The following MYO3A variants were observed in gnomAD, a reference collection of about 807,000 sequenced individuals.
MYO3A encodes myosin-IIIa.
A neutral mutation model predicts 192.7 loss-of-function variants in MYO3A; 180 were observed. That is an observed-to-expected ratio of 0.93 (90% confidence interval 0.83 to 1.06). The LOEUF is 1.06. MYO3A is among the 50% of genes least tolerant of loss of function. The pLI is 0.00. For synonymous variants in MYO3A, 628 were observed against 645.3 expected, an observed-to-expected ratio of 0.97 and a Z score of 0.41; for missense variants, 1,896 against 1,905.0, an observed-to-expected ratio of 1.00 and a Z score of 0.09.
chr10:26,116,972 C>A (rs535686713), intron 17 of MYO3A, among the ~76,000 whole-genome samples: 22 of 152,338 alleles, frequency 1.4e-4, no homozygotes, highest in African/African-American at 5.3e-4. Context: ...AGCCATAGAT[C>A]TGGGTCTGTT....
intron 10 of MYO3A, among the ~76,000 whole-genome samples, chr10:26,032,209 A>T (rs182026236): frequency 5.2e-4 from 79 of 152,342 alleles, no homozygotes; most frequent in African/African-American, 1.9e-3. Flanking sequence ...TGTTGCAACT[A>T]GTCCACTTGT....
intron 2 of MYO3A, among the ~76,000 whole-genome samples, chr10:25,941,665 T>C (rs1836494706): frequency 6.6e-6 from 1 of 152,240 alleles, no homozygotes; most frequent in South Asian, 2.1e-4. Flanking sequence ...TTGAGTGGTA[T>C]TAAGTACAGT....
chr10:26,197,033 C>A (rs1843442305), intron 32 of MYO3A, among the ~76,000 whole-genome samples: 1 of 152,158 alleles, frequency 6.6e-6, no homozygotes, highest in African/African-American at 2.4e-5. Context: ...GTTCTTGATT[C>A]TTGTTACTGA....
chr10:26,047,543 G>T (rs1423136815), intron 10 of MYO3A, among the ~76,000 whole-genome samples: 1 of 152,182 alleles, frequency 6.6e-6, no homozygotes, highest in Non-Finnish European at 1.5e-5. Flanking sequence ...GGAGGCCGAG[G>T]CAGGTGGATC....
intron 4 of MYO3A, among the ~76,000 whole-genome samples, chr10:25,986,333 A>G (rs1181995108): frequency 1.3e-5 from 2 of 152,220 alleles, no homozygotes; most frequent in Admixed American, 6.5e-5. Context: ...TCTATTCAAC[A>G]TAGTACTCGA....
intron 4 of MYO3A, among the ~76,000 whole-genome samples, chr10:25,957,500 G>A (rs545062156): frequency 6.6e-6 from 1 of 152,188 alleles, no homozygotes; most frequent in South Asian, 2.1e-4. Context: ...ATACAGGCAT[G>A]TAGGTTGATT....
rs553711676 is a variant in MYO3A at position 26,012,686 on chromosome 10, A to G, written c.509-4134A>G. On this transcript the variant is annotated intron_variant, in intron 6 of 34. Coordinates refer to ENST00000642920, the MANE Select transcript of MYO3A (RefSeq NM_017433.5). ...CTGCCTGAAGCAATCTACACATTCA[A>G]TGCCATTCCCATCAAAATACCAATA... 2.6e-5 allele frequency among the ~76,000 whole-genome samples: 4 copies of G among 152,324 alleles called. No homozygotes were observed. The South Asian group carries it at 6.2e-4, about 24-fold the overall frequency.
At chr10:26,211,146 T>G (rs58368492) in intron 34 of MYO3A, among the ~76,000 whole-genome samples, 3,753 of 152,322 alleles carry the variant, frequency 0.025, 162 homozygotes, top group African/African-American at 0.082. Flanking sequence ...CACTGGTGGC[T>G]GGTACTTAGC....
intron 10 of MYO3A, among the ~76,000 whole-genome samples, chr10:26,043,495 A>G (rs979071678): frequency 6.6e-6 from 1 of 152,086 alleles, no homozygotes; most frequent in Non-Finnish European, 1.5e-5. Flanking sequence ...CTGGTGTTCT[A>G]TTGTAGTGTG....
At chr10:26,080,766 C>G (rs139555249) in intron 14 of MYO3A, among the ~76,000 whole-genome samples, 247 of 152,232 alleles carry the variant, frequency 1.6e-3, no homozygotes, top group African/African-American at 5.8e-3. Flanking sequence ...AGTACTCTCC[C>G]TCTTTTCCTA....
intron 2 of MYO3A, among the ~76,000 whole-genome samples, chr10:25,942,891 T>G (rs933522860): frequency 2.0e-5 from 3 of 152,038 alleles, no homozygotes; most frequent in Non-Finnish European, 2.9e-5. Context: ...GAAGATTGTC[T>G]TTTCACTCTG....
Position 26,176,731 on chromosome 10 carries a change from C to T in MYO3A, c.4324C>T (p.Leu1442=). 2 of 1,611,122 alleles carry T rather than the reference C, an allele frequency of 1.2e-6. No individual in the cohort carries two copies. The highest frequency in any genetic ancestry group is 1.7e-6 in the Non-Finnish European group (2 of 1,177,368). Residue 1442 remains leucine, a synonymous_variant, in exon 31 of 35, where the codon CTG becomes TTG. Coordinates refer to ENST00000642920, the MANE Select transcript of MYO3A (RefSeq NM_017433.5). The stretch of plus-strand genomic sequence containing the variant: ...AAAGTTATCTGAAGAATATTTCATT[C>T]TGCAGAAAAAATTGAATGAAATGAT... ...ISKLSEEYFI[L]QKKLNEMILS...
rs553796344 is a variant in MYO3A, at chr10:26,212,301, G to A, written c.*338G>A. 9 of 403,538 alleles carry A rather than the reference G, an allele frequency of 2.2e-5. No homozygotes were observed. The highest frequency in any genetic ancestry group is 3.9e-5 in the Non-Finnish European group (9 of 229,022). 25.0% of individuals were successfully genotyped at this position (403,538 alleles called of 1,614,324 possible). ...TTGTGACTCCTGTGGACTCCACTGC[G>A]CCTGGGATCTCGCCAACCCCTCTCT... On this transcript the variant is annotated 3_prime_UTR_variant, in exon 35 of 35. Coordinates refer to ENST00000642920, the MANE Select transcript of MYO3A (RefSeq NM_017433.5).
chr10:25,983,479 G>T (rs989453753), intron 4 of MYO3A, among the ~76,000 whole-genome samples: 1 of 151,898 alleles, frequency 6.6e-6, no homozygotes, highest in Non-Finnish European at 1.5e-5. Context: ...GGATGGTCTC[G>T]ATCTCCTGAC....
intron 15 of MYO3A, among the ~76,000 whole-genome samples, chr10:26,094,632 G>A (rs1017221911): frequency 3.9e-5 from 6 of 152,054 alleles, no homozygotes; most frequent in African/African-American, 1.2e-4. Context: ...CACCGTGTTA[G>A]CCAGGATGGT....
At chr10:26,082,685 C>A (rs958628753) in intron 14 of MYO3A, among the ~76,000 whole-genome samples, 13 of 152,172 alleles carry the variant, frequency 8.5e-5, no homozygotes, top group Admixed American at 8.5e-4. Flanking sequence ...TTAACAATAA[C>A]TAAAAATAAA....
At chr10:26,185,938 A>G (rs1321475758) in intron 31 of MYO3A, among the ~76,000 whole-genome samples, 1 of 152,214 alleles carries the variant, frequency 6.6e-6, no homozygotes, top group African/African-American at 2.4e-5. Context: ...ATCAACTAGT[A>G]TAGCTGTAAT....
chr10:26,096,753 T>A, intron 17 of MYO3A, 71 bp downstream of exon 17: 1 of 1,073,032 alleles, frequency 9.3e-7, no homozygotes, highest in Non-Finnish European at 1.4e-6. Context: ...AGAGCATTTA[T>A]TGAGTGATTA....
intron 12 of MYO3A, among the ~76,000 whole-genome samples, chr10:26,069,643 T>C (rs1444157865): frequency 6.6e-6 from 1 of 152,014 alleles, no homozygotes; most frequent in Non-Finnish European, 1.5e-5. Flanking sequence ...TTTGGTGCAA[T>C]CTTGCTATCA....
Sources: allele counts gnomAD v4.1 joint callset (sites outside exome capture counted in the v4.1 genomes callset), GRCh38; gene constraint gnomAD v4.1.1; transcripts MANE v1.5; gene names NCBI Gene and HGNC (gene_info 2026-07-23, HGNC 2026-07-21).